KLHL32: variants seen among roughly 807,000 people sequenced by gnomAD.
KLHL32 encodes the protein kelch like family member 32, also known as kelch-like protein 32.
Under a neutral mutation model 64.8 loss-of-function variants are expected in KLHL32, and 35 were observed. The ratio of observed to expected loss-of-function variants is 0.54; its 90% CI spans 0.41 to 0.72. The LOEUF (loss-of-function observed/expected upper bound fraction) is 0.72. KLHL32 is among the 30% of genes least tolerant of loss of function. The pLI, the probability that KLHL32 is intolerant of heterozygous loss-of-function variation, is 0.00. For synonymous variants in KLHL32, 259 were observed against 281.0 expected, an observed-to-expected ratio of 0.92 and a Z score of 0.78; for missense variants, 589 against 768.5, an observed-to-expected ratio of 0.77 and a Z score of 2.76.
intron 5 of KLHL32, among the ~76,000 whole-genome samples, chr6:97,073,219 G>A (rs978886201): frequency 6.6e-6 from 1 of 152,054 alleles, no homozygotes; most frequent in African/African-American, 2.4e-5. Context: ...CAACCTATTG[G>A]ACAAATCTGT....
At chr6:97,005,350 T>C (rs1779537362) in intron 3 of KLHL32, among the ~76,000 whole-genome samples, 1 of 152,074 alleles carries the variant, frequency 6.6e-6, no homozygotes, top group Non-Finnish European at 1.5e-5. Flanking sequence ...TCTGTTTGTG[T>C]TTTTTTAGAT....
upstream of KLHL32, among the ~76,000 whole-genome samples, chr6:96,919,963 A>G (rs934006945): frequency 2.6e-5 from 4 of 152,224 alleles, no homozygotes; most frequent in Admixed American, 6.5e-5. Flanking sequence ...AAGAAAACCA[A>G]TCAACCAACC....
chr6:97,085,486 G>A (rs2128179583), intron 6 of KLHL32, 145 bp downstream of exon 6: 1 of 697,058 alleles, frequency 1.4e-6, no homozygotes, highest in Admixed American at 2.5e-5. Context: ...TGATGGACAA[G>A]TGATTGGAGA....
the KLHL32 span, among the ~76,000 whole-genome samples, chr6:96,912,446 T>C: frequency 2.0e-5 from 3 of 152,174 alleles, no homozygotes; most frequent in East Asian, 1.9e-4. Flanking sequence ...CTAGCACCCA[T>C]TGTGATTTTT....
intron 6 of KLHL32, chr6:97,105,535 C>T (rs1421642222): frequency 2.1e-6 from 1 of 470,894 alleles, no homozygotes; most frequent in Non-Finnish European, 4.4e-6. Flanking sequence ...AGGATATGGA[C>T]ACTTGTGCCT....
rs570356291 is a variant in KLHL32 at position 97,005,408 on chromosome 6, T to C, written c.204+29231T>C. 2.0e-5 allele frequency among the ~76,000 whole-genome samples: 3 copies of C among 152,168 alleles called. No homozygotes were observed. In the South Asian group the frequency reaches 6.2e-4, roughly 32 times the overall value. Reference sequence around the variant, plus strand: ...AATCTAGGTAGTGGTCTATCTCTCTTATTTATTCTTTCAAAAAGCAAACTT... The same window carrying C: ...AATCTAGGTAGTGGTCTATCTCTCTCATTTATTCTTTCAAAAAGCAAACTT... On this transcript the variant is annotated intron_variant, in intron 3 of 10. Coordinates refer to ENST00000369261, the MANE Select transcript of KLHL32 (RefSeq NM_052904.4).
chr6:97,064,504 A>G (rs971508683), intron 4 of KLHL32, 124 bp from the exon 5 acceptor site: 13 of 667,852 alleles, frequency 1.9e-5, no homozygotes, highest in Non-Finnish European at 3.1e-5. Context: ...AAAAAGGAAC[A>G]GTGTTAATTG....
upstream of KLHL32, among the ~76,000 whole-genome samples, chr6:96,923,516 T>G (rs1768830293): frequency 6.6e-6 from 1 of 152,046 alleles, no homozygotes; most frequent in Non-Finnish European, 1.5e-5. Context: ...ATCAAAACCA[T>G]GAAAATGAAG....
intron 1 of KLHL32, among the ~76,000 whole-genome samples, chr6:96,927,238 G>C (rs1769273557): frequency 6.6e-6 from 1 of 152,064 alleles, no homozygotes; most frequent in African/African-American, 2.4e-5. Flanking sequence ...CCAAGAAGTG[G>C]AGAAAAACTC....
chr6:96,910,064 A>G, the KLHL32 span, among the ~76,000 whole-genome samples: 524 of 152,334 alleles, frequency 3.4e-3, 3 homozygotes, highest in African/African-American at 0.012. Context: ...CTGCAGCTCT[A>G]TTATGAGGTG....
chr6:97,079,128 G>A (rs987061104), intron 5 of KLHL32, among the ~76,000 whole-genome samples: 10 of 152,192 alleles, frequency 6.6e-5, no homozygotes, highest in African/African-American at 2.4e-4. Context: ...GTGAGTCTGG[G>A]TGGCATTATT....
At chr6:97,078,635 A>T (rs1791979791) in intron 5 of KLHL32, among the ~76,000 whole-genome samples, 1 of 152,200 alleles carries the variant, frequency 6.6e-6, no homozygotes, top group South Asian at 2.1e-4. Flanking sequence ...TAGTGATAGT[A>T]CATGATGCTT....
chr6:96,910,071 G>A, the KLHL32 span, among the ~76,000 whole-genome samples: 3 of 152,170 alleles, frequency 2.0e-5, 1 homozygote, highest in South Asian at 4.1e-4. Flanking sequence ...TCTATTATGA[G>A]GTGTTGCTTT....
chr6:97,103,340 A>C (rs1199140561), intron 6 of KLHL32, among the ~76,000 whole-genome samples: 3 of 151,052 alleles, frequency 2.0e-5, no homozygotes, highest in East Asian at 3.9e-4. Flanking sequence ...CAGCCTCCTG[A>C]GCAGCTGGGA....
intron 1 of KLHL32, among the ~76,000 whole-genome samples, chr6:96,944,297 A>G (rs1695845871): frequency 6.6e-6 from 1 of 152,222 alleles, no homozygotes; most frequent in African/African-American, 2.4e-5. Context: ...AGAATAAAAT[A>G]TTTGTTCTTG....
chr6:97,139,227 C>T lies in KLHL32; in HGVS notation c.1808C>T (p.Thr603Ile), dbSNP rs1800416444. Residue 603 changes from threonine to isoleucine, a missense_variant, in exon 11 of 11, where the codon ACA (threonine) becomes ATA (isoleucine). Physicochemically the swap from Thr to Ile is moderately conservative, Grantham distance 89 (BLOSUM62 -1). Coordinates refer to ENST00000369261, the MANE Select transcript of KLHL32 (RefSeq NM_052904.4). ...TGCTTCCTTCCAGCTCCATATTTTA[C>T]ATGCCCTAACCTTCAAACTCTTCAA... ...AACFLPAPYF[T>I]CPNLQTLQVP... The T allele has an allele frequency of 6.2e-7, 1 of 1,613,918 alleles. No individual in the cohort carries two copies. Among genetic ancestry groups the T allele is most frequent in the South Asian group, 1.1e-5 (1 of 91,088 alleles).
At chr6:96,963,525 A>G (rs1270286508) in intron 1 of KLHL32, among the ~76,000 whole-genome samples, 2 of 152,118 alleles carry the variant, frequency 1.3e-5, no homozygotes, top group African/African-American at 2.4e-5. Context: ...CTGGTTCTCA[A>G]TGGCTTTTAG....
intron 7 of KLHL32, among the ~76,000 whole-genome samples, chr6:97,120,854 C>T (rs902721608): frequency 2.0e-5 from 3 of 152,182 alleles, no homozygotes; most frequent in African/African-American, 2.4e-5. Context: ...TAGCAACCAG[C>T]TGCCCCCAGC....
chr6:97,074,736 T>A (rs1249942059), intron 5 of KLHL32, among the ~76,000 whole-genome samples: 5 of 151,974 alleles, frequency 3.3e-5, no homozygotes, highest in African/African-American at 1.2e-4. Flanking sequence ...AAATAGATGA[T>A]AATGACTTCT....
Sources: allele counts gnomAD v4.1 joint callset (sites outside exome capture counted in the v4.1 genomes callset), GRCh38; gene constraint gnomAD v4.1.1; transcripts MANE v1.5; gene names NCBI Gene and HGNC (gene_info 2026-07-23, HGNC 2026-07-21).